Variants in CTNND2 observed in about 807,000 individuals in gnomAD.
CTNND2 encodes the protein catenin delta-2.
In CTNND2, 22 loss-of-function variants were observed where a neutral mutation model predicts 144.4. The ratio of observed to expected loss-of-function variants is 0.15; its 90% CI spans 0.11 to 0.22. The LOEUF is 0.22. CTNND2 is among the 10% of genes least tolerant of loss of function. The pLI, the probability that CTNND2 is intolerant of heterozygous loss-of-function variation, is 1.00. For missense variants in CTNND2, 1,353 were observed against 1,618.8 expected, an observed-to-expected ratio of 0.84 and a Z score of 2.82; for synonymous variants, 751 against 695.6, an observed-to-expected ratio of 1.08 and a Z score of -1.25.
At chr5:11,039,112 C>T (rs1744397035) in intron 16 of CTNND2, among the ~76,000 whole-genome samples, 2 of 152,204 alleles carry the variant, frequency 1.3e-5, no homozygotes, top group Admixed American at 6.5e-5. Flanking sequence ...ACAAACAAAA[C>T]ACACAATCGC....
intron 18 of CTNND2, among the ~76,000 whole-genome samples, chr5:11,010,863 T>A (rs1741003744): frequency 1.3e-5 from 2 of 152,274 alleles, no homozygotes; most frequent in African/African-American, 4.8e-5. Context: ...AGAGTCTATC[T>A]TCTCTGACAA....
chr5:11,559,335 G>T (rs1268883688), intron 3 of CTNND2, among the ~76,000 whole-genome samples: 1 of 152,070 alleles, frequency 6.6e-6, no homozygotes, highest in East Asian at 1.9e-4. Context: ...CTAAAGAAAA[G>T]AACCCTGTCT....
At chr5:11,853,545 C>T (rs1232891191) in intron 1 of CTNND2, among the ~76,000 whole-genome samples, 1 of 152,158 alleles carries the variant, frequency 6.6e-6, no homozygotes, top group Non-Finnish European at 1.5e-5. Flanking sequence ...GACCTTGACT[C>T]CTAGATCCAC....
intron 3 of CTNND2, among the ~76,000 whole-genome samples, chr5:11,517,620 G>A (rs1000885002): frequency 1.3e-5 from 2 of 151,670 alleles, no homozygotes. Context: ...GGGGCCTCTC[G>A]GGGGTGTAGG....
intron 12 of CTNND2, among the ~76,000 whole-genome samples, chr5:11,121,600 CA>C (rs34634897): frequency 0.16 from 23,588 of 151,950 alleles, 2,972 homozygotes; most frequent in East Asian, 0.45. Context: ...TTATGTCTTC[CA>C]AATTAAAAGA....
At chr5:11,296,276 C>A (rs991427900) in intron 9 of CTNND2, among the ~76,000 whole-genome samples, 1 of 151,952 alleles carries the variant, frequency 6.6e-6, no homozygotes. Context: ...ATCAAAACCA[C>A]AATGAGATAC....
chr5:11,305,920 A>C (rs564151502), intron 9 of CTNND2, among the ~76,000 whole-genome samples: 2 of 152,342 alleles, frequency 1.3e-5, no homozygotes, highest in Admixed American at 1.3e-4. Context: ...TGGCCCATTA[A>C]AAGGTATTGC....
intron 1 of CTNND2, among the ~76,000 whole-genome samples, chr5:11,821,364 G>A (rs1369186221): frequency 6.6e-6 from 1 of 152,150 alleles, no homozygotes; most frequent in Non-Finnish European, 1.5e-5. Context: ...TGATGGAAGA[G>A]TAAAGAAATG....
intron 2 of CTNND2, among the ~76,000 whole-genome samples, chr5:11,703,248 T>C (rs188651163): frequency 1.4e-4 from 22 of 152,386 alleles, no homozygotes; most frequent in Non-Finnish European, 1.8e-4. Context: ...TAAAAACTTA[T>C]ATTGTCCCAA....
intron 3 of CTNND2, among the ~76,000 whole-genome samples, chr5:11,492,412 A>C (rs1257992518): frequency 1.3e-5 from 2 of 152,100 alleles, no homozygotes; most frequent in East Asian, 3.9e-4. Flanking sequence ...TAAATATCAG[A>C]AAATGCATAT....
chr5:10,977,682 A>T (rs1215640680), intron 21 of CTNND2, among the ~76,000 whole-genome samples: 2 of 152,160 alleles, frequency 1.3e-5, no homozygotes, highest in African/African-American at 4.8e-5. Context: ...TGAACTCCTG[A>T]GCTCAAGCGA....
At chr5:11,296,343 G>T (rs1223463135) in intron 9 of CTNND2, among the ~76,000 whole-genome samples, 2 of 152,212 alleles carry the variant, frequency 1.3e-5, no homozygotes, top group Middle Eastern at 6.8e-3. Context: ...ACAGGTGCTG[G>T]AGAGGATGTG....
intron 11 of CTNND2, among the ~76,000 whole-genome samples, chr5:11,176,596 A>C (rs1287231962): frequency 6.6e-6 from 1 of 152,020 alleles, no homozygotes; most frequent in Admixed American, 6.6e-5. Flanking sequence ...ATGGAGTGAG[A>C]TCCTATTGAA....
intron 6 of CTNND2, among the ~76,000 whole-genome samples, chr5:11,389,501 T>G (rs1759427350): frequency 1.3e-5 from 2 of 152,232 alleles, no homozygotes; most frequent in South Asian, 4.1e-4. Context: ...TGTGTGTGTG[T>G]GTACTTAGTG....
intron 12 of CTNND2, among the ~76,000 whole-genome samples, chr5:11,125,951 T>G (rs776734374): frequency 4.6e-5 from 7 of 152,220 alleles, no homozygotes; most frequent in African/African-American, 7.2e-5. Flanking sequence ...AAAGTTTATC[T>G]CTGTCTCTGT....
At chr5:11,795,740 A>G (rs544991853) in intron 1 of CTNND2, among the ~76,000 whole-genome samples, 68 of 152,360 alleles carry the variant, frequency 4.5e-4, no homozygotes, top group African/African-American at 1.6e-3. Flanking sequence ...TTATTCATGT[A>G]TGAGAAATAG....
At chr5:11,272,796 T>A (rs185308573) in intron 9 of CTNND2, among the ~76,000 whole-genome samples, 3 of 152,316 alleles carry the variant, frequency 2.0e-5, no homozygotes, top group Non-Finnish European at 4.4e-5. Flanking sequence ...TCTACTTTTA[T>A]AATTCAGAGA....
chr5:11,251,186 G>A (rs1257207410), intron 9 of CTNND2, among the ~76,000 whole-genome samples: 4 of 152,156 alleles, frequency 2.6e-5, no homozygotes, highest in Non-Finnish European at 4.4e-5. Context: ...TAGAACTTGA[G>A]TTTCCTGAAC....
At chr5:11,118,056 G>A (rs560480384) in intron 12 of CTNND2, among the ~76,000 whole-genome samples, 39 of 152,352 alleles carry the variant, frequency 2.6e-4, no homozygotes, top group African/African-American at 9.1e-4. Flanking sequence ...CATAGTTAGA[G>A]GTTTCTGTGA....
Sources: gnomAD v4.1 joint callset for allele counts (sites outside exome capture counted in the v4.1 genomes callset) on GRCh38, gnomAD v4.1.1 for gene constraint, MANE v1.5 for transcripts, NCBI Gene and HGNC (gene_info 2026-07-23, HGNC 2026-07-21) for gene names.